SNTG1: variants seen among roughly 807,000 people sequenced by gnomAD.
SNTG1 encodes the protein syntrophin gamma 1.
In SNTG1, 39 loss-of-function variants were observed where a neutral mutation model predicts 74.7. That is an observed-to-expected ratio of 0.52 (90% CI 0.40 to 0.68). The LOEUF (loss-of-function observed/expected upper bound fraction) is 0.68. Ranked by LOEUF, SNTG1 falls within the 30% of genes least tolerant of loss-of-function variation. SNTG1 has a pLI of 0.00. For synonymous variants in SNTG1, 254 were observed against 217.1 expected (o/e 1.17, Z -1.49); for missense variants, 685 against 609.5 (o/e 1.12, Z -1.30).
intron 1 of SNTG1, among the ~76,000 whole-genome samples, chr8:50,003,905 G>A (rs1405666568): frequency 6.6e-6 from 1 of 152,092 alleles, no homozygotes; most frequent in East Asian, 1.9e-4. Flanking sequence ...ACAATCTGGG[G>A]GAAGTGAATT....
At chr8:50,522,576 CCT>C (rs2094188333) in intron 9 of SNTG1, among the ~76,000 whole-genome samples, 1 of 135,378 alleles carries the variant, frequency 7.4e-6, no homozygotes, top group African/African-American at 3.0e-5. Flanking sequence ...TGACTTCCTT[CCT>C]TTTTTTTTTT....
intron 15 of SNTG1, among the ~76,000 whole-genome samples, chr8:50,682,718 T>G (rs2095336166): frequency 6.6e-6 from 1 of 152,062 alleles, no homozygotes; most frequent in Non-Finnish European, 1.5e-5. Flanking sequence ...TACAAAGTTC[T>G]CAGGGCCCTC....
chr8:50,744,389 G>C (rs151191092), intron 17 of SNTG1, among the ~76,000 whole-genome samples: 2 of 152,032 alleles, frequency 1.3e-5, no homozygotes, highest in African/African-American at 4.8e-5. Context: ...GTAGGTGAAA[G>C]TCTTGTATAC....
intron 9 of SNTG1, among the ~76,000 whole-genome samples, chr8:50,529,048 T>C (rs1355251382): frequency 6.6e-6 from 1 of 151,922 alleles, no homozygotes; most frequent in Non-Finnish European, 1.5e-5. Flanking sequence ...TAAATTTCAC[T>C]CAAATGACTA....
chr8:50,193,832 T>C (rs112483339), intron 2 of SNTG1, among the ~76,000 whole-genome samples: 2,568 of 152,240 alleles, frequency 0.017, 69 homozygotes, highest in African/African-American at 0.053. Flanking sequence ...TTCATTACCT[T>C]AAGGTATGTC....
chr8:50,536,683 A>G lies in SNTG1; in HGVS notation c.555A>G (p.Thr185=). 1 of 1,613,712 alleles carries G rather than the reference A, an allele frequency of 6.2e-7. No individual in the cohort carries two copies. Among genetic ancestry groups the G allele is most frequent in the Non-Finnish European group, 8.5e-7 (1 of 1,179,742 alleles). ...AATATTTATCTTCCTTTCAGGACAC[A>G]TTATCATGCTCGTCGTGGCCGACGT... ...HLNYHPNNTD[T]LSCSSWPTSP... Residue 185 remains threonine (T), a synonymous_variant, in exon 11 of 19, where the codon ACA becomes ACG. Transcript: ENST00000642720.
At chr8:49,952,417 G>T (rs1272038232) in intron 1 of SNTG1, among the ~76,000 whole-genome samples, 1 of 152,260 alleles carries the variant, frequency 6.6e-6, no homozygotes, top group African/African-American at 2.4e-5. Context: ...ATGGTGAGAG[G>T]CATTCCACAG....
intron 2 of SNTG1, among the ~76,000 whole-genome samples, chr8:50,174,967 T>C (rs1439303740): frequency 6.6e-6 from 1 of 150,388 alleles, no homozygotes. Flanking sequence ...CGGTGTTTGG[T>C]TTTTTTGTCC....
intron 9 of SNTG1, among the ~76,000 whole-genome samples, chr8:50,518,108 C>G (rs1237916778): frequency 6.6e-6 from 1 of 152,196 alleles, no homozygotes; most frequent in African/African-American, 2.4e-5. Flanking sequence ...CAAACAGACT[C>G]TAAGATCATA....
chr8:50,039,454 C>CAAAAA (rs568678808), intron 1 of SNTG1, among the ~76,000 whole-genome samples: 7 of 46,152 alleles, frequency 1.5e-4, no homozygotes, highest in Admixed American at 3.5e-4. Flanking sequence ...GACTCCGTCT[C>CAAAAA]AAAAAAAAAA....
intron 12 of SNTG1, among the ~76,000 whole-genome samples, chr8:50,567,084 C>T (rs2094520293): frequency 6.6e-6 from 1 of 152,004 alleles, no homozygotes; most frequent in East Asian, 1.9e-4. Context: ...TTGGGATTCT[C>T]AAGAATCATT....
At chr8:50,472,657 A>T (rs1407950102) in intron 8 of SNTG1, among the ~76,000 whole-genome samples, 1 of 152,176 alleles carries the variant, frequency 6.6e-6, no homozygotes, top group East Asian at 1.9e-4. Flanking sequence ...ACAACTGAAC[A>T]GATAGATAAA....
At chr8:50,152,414 G>T (rs994532771) in intron 1 of SNTG1, among the ~76,000 whole-genome samples, 6 of 152,130 alleles carry the variant, frequency 3.9e-5, no homozygotes, top group African/African-American at 1.4e-4. Context: ...TACATTTAAG[G>T]TTAATATTGT....
At chr8:50,551,427 C>G (rs1563562646) in intron 11 of SNTG1, among the ~76,000 whole-genome samples, 1 of 151,962 alleles carries the variant, frequency 6.6e-6, no homozygotes, top group East Asian at 1.9e-4. Context: ...CTTTTATTAG[C>G]TAAAAAATCT....
At chr8:50,028,183 C>T (rs1167867908) in intron 1 of SNTG1, among the ~76,000 whole-genome samples, 1 of 152,098 alleles carries the variant, frequency 6.6e-6, no homozygotes, top group East Asian at 1.9e-4. Context: ...TCTGTCATTC[C>T]AAGAATGTTG....
At chr8:50,048,696 A>T (rs1819308688) in intron 1 of SNTG1, among the ~76,000 whole-genome samples, 1 of 152,156 alleles carries the variant, frequency 6.6e-6, no homozygotes, top group African/African-American at 2.4e-5. Flanking sequence ...CATATTTTTT[A>T]ATACTAATTA....
At chr8:50,347,904 C>T (rs1041629166) in intron 2 of SNTG1, among the ~76,000 whole-genome samples, 4 of 152,132 alleles carry the variant, frequency 2.6e-5, no homozygotes, top group Non-Finnish European at 5.9e-5. Flanking sequence ...TCCCAGTGGG[C>T]CTGTTAAGAG....
chr8:49,931,491 A>G (rs1157395269), intron 1 of SNTG1, among the ~76,000 whole-genome samples: 6 of 152,216 alleles, frequency 3.9e-5, no homozygotes. Context: ...TCCGTAACCC[A>G]AACCTCAGCA....
chr8:50,384,317 G>A (rs1415152783), intron 2 of SNTG1, among the ~76,000 whole-genome samples: 2 of 152,176 alleles, frequency 1.3e-5, no homozygotes, highest in Non-Finnish European at 2.9e-5. Context: ...TTTTCTGTGA[G>A]GTGAGTGCCT....
Sources: allele counts gnomAD v4.1 joint callset (sites outside exome capture counted in the v4.1 genomes callset), GRCh38; gene constraint gnomAD v4.1.1; transcripts MANE v1.5; gene names NCBI Gene and HGNC (gene_info 2026-07-23, HGNC 2026-07-21).